WWTR1: variants seen among roughly 807,000 people sequenced by gnomAD.
WWTR1 encodes the protein WW domain-containing transcription regulator protein 1.
In WWTR1, 13 loss-of-function variants were observed where a neutral mutation model predicts 40.1. The ratio of observed to expected loss-of-function variants is 0.32; its 90% CI spans 0.21 to 0.52. The LOEUF (loss-of-function observed/expected upper bound fraction) is 0.52. WWTR1 is among the 20% of genes least tolerant of loss of function. The pLI, the probability that WWTR1 is intolerant of heterozygous loss-of-function variation, is 0.97. For synonymous variants in WWTR1, 230 were observed against 210.1 expected, an observed-to-expected ratio of 1.09 and a Z score of -0.82; for missense variants, 436 against 523.1, an observed-to-expected ratio of 0.83 and a Z score of 1.63.
intron 2 of WWTR1, among the ~76,000 whole-genome samples, chr3:149,643,706 G>C (rs1275229474): frequency 6.6e-6 from 1 of 152,012 alleles, no homozygotes; most frequent in East Asian, 1.9e-4. Context: ...ATTATCATAA[G>C]AATTAGTACC....
At chr3:149,642,657 A>C (rs1373060099) in intron 2 of WWTR1, among the ~76,000 whole-genome samples, 1 of 149,254 alleles carries the variant, frequency 6.7e-6, no homozygotes, top group African/African-American at 2.5e-5. Context: ...CGCCTGTAGT[A>C]CCAGCTATTC....
chr3:149,622,378 T>C (rs781242943), intron 2 of WWTR1, among the ~76,000 whole-genome samples: 124 of 150,014 alleles, frequency 8.3e-4, no homozygotes, highest in Admixed American at 1.8e-3. Flanking sequence ...AATAATATAA[T>C]ACAAATAACA....
rs113697574 is a variant in WWTR1, at chr3:149,627,227, C to G, written c.431+29649G>C. Reference sequence around the variant, plus strand: ...GAATACCTGTATTTTATCCAACAACCCTTCTTAGGGTAAACATATTGTTAA... The same window carrying G: ...GAATACCTGTATTTTATCCAACAACGCTTCTTAGGGTAAACATATTGTTAA... On this transcript the variant is annotated intron_variant, in intron 2 of 6. Coordinates refer to ENST00000360632, the MANE Select transcript of WWTR1 (RefSeq NM_015472.6). 7.8e-3 allele frequency among the ~76,000 whole-genome samples: 1,188 copies of G among 152,140 alleles called. 9 individuals are homozygous for G. Among genetic ancestry groups the G allele is most frequent in the Non-Finnish European group, 9.3e-3 (632 of 68,004 alleles).
chr3:149,600,674 C>T (rs1425911648), intron 2 of WWTR1, among the ~76,000 whole-genome samples: 1 of 152,162 alleles, frequency 6.6e-6, no homozygotes, highest in African/African-American at 2.4e-5. Context: ...TAAATGAAAT[C>T]CAAATAAAGT....
chr3:149,574,377 A>C (rs902645779), intron 2 of WWTR1, among the ~76,000 whole-genome samples: 2 of 152,148 alleles, frequency 1.3e-5, no homozygotes, highest in African/African-American at 2.4e-5. Context: ...CAAAGACAAC[A>C]AACATGATAG....
At chr3:149,645,292 G>A (rs918551664) in intron 2 of WWTR1, among the ~76,000 whole-genome samples, 2 of 151,026 alleles carry the variant, frequency 1.3e-5, no homozygotes, top group Non-Finnish European at 3.0e-5. Context: ...TGTTAGCCAG[G>A]ATGGTCTTGA....
At chr3:149,685,987 T>TTTAAAAAGTGTACCA (rs1714633326) in intron 1 of WWTR1, among the ~76,000 whole-genome samples, 1 of 152,222 alleles carries the variant, frequency 6.6e-6, no homozygotes, top group African/African-American at 2.4e-5. Context: ...AAGATCTTTT[T>TTTAAAAAGTGTACCA]TTGATCTCAT....
intron 2 of WWTR1, among the ~76,000 whole-genome samples, chr3:149,590,372 G>A (rs1396568627): frequency 6.6e-6 from 1 of 152,008 alleles, no homozygotes; most frequent in Admixed American, 6.6e-5. Context: ...AAAATGGGCC[G>A]GGTGCGGTGG....
At chr3:149,562,294 C>CAA (rs11446637) in intron 3 of WWTR1, among the ~76,000 whole-genome samples, 5,789 of 93,992 alleles carry the variant, frequency 0.062, 267 homozygotes, top group East Asian at 0.16. Context: ...GATTCTGTCT[C>CAA]AAAAAAAAAA....
intron 3 of WWTR1, among the ~76,000 whole-genome samples, chr3:149,551,489 T>C (rs1736616696): frequency 6.9e-6 from 1 of 145,836 alleles, no homozygotes. Context: ...TAAGTTCATA[T>C]AAACTTCATC....
intron 4 of WWTR1, among the ~76,000 whole-genome samples, chr3:149,718,782 T>C (rs1042522491): frequency 3.3e-5 from 5 of 152,208 alleles, no homozygotes; most frequent in Non-Finnish European, 7.3e-5. Flanking sequence ...TCCTCAAGGT[T>C]CATCCATGTT....
chr3:149,570,721 G>A (rs1737576701), intron 3 of WWTR1, among the ~76,000 whole-genome samples: 1 of 152,024 alleles, frequency 6.6e-6, no homozygotes, highest in South Asian at 2.1e-4. Context: ...TAGTGCAATT[G>A]GACTTTGTGT....
chr3:149,614,445 C>T (rs1739875635), intron 2 of WWTR1, among the ~76,000 whole-genome samples: 1 of 152,146 alleles, frequency 6.6e-6, no homozygotes, highest in African/African-American at 2.4e-5. Context: ...GTGTAGTAGA[C>T]TATACTTTCT....
At chr3:149,582,636 C>T (rs1260500198) in intron 2 of WWTR1, among the ~76,000 whole-genome samples, 2 of 151,674 alleles carry the variant, frequency 1.3e-5, no homozygotes, top group African/African-American at 2.4e-5. Flanking sequence ...GAGGCTGAAG[C>T]GGAAGATTAC....
chr3:149,662,543 C>G (rs1007454202), upstream of WWTR1, among the ~76,000 whole-genome samples: 1 of 152,200 alleles, frequency 6.6e-6, no homozygotes, highest in Middle Eastern at 3.2e-3. Flanking sequence ...ATTCTTTCTT[C>G]TAGTGTCCCC....
chr3:149,576,121 C>T, intron 2 of WWTR1: 1 of 456,632 alleles, frequency 2.2e-6, no homozygotes, highest in Non-Finnish European at 4.4e-6. Flanking sequence ...GAAGAAAGCC[C>T]AAATTCCTGG....
intron 2 of WWTR1, among the ~76,000 whole-genome samples, chr3:149,580,574 C>T (rs1043113321): frequency 3.3e-5 from 5 of 152,276 alleles, no homozygotes; most frequent in Admixed American, 1.3e-4. Context: ...ACTAGCAACC[C>T]GACCTGATCA....
intron 3 of WWTR1, among the ~76,000 whole-genome samples, chr3:149,565,855 G>A (rs1737296829): frequency 6.6e-6 from 1 of 151,376 alleles, no homozygotes; most frequent in Non-Finnish European, 1.5e-5. Context: ...AGGTTGTGGG[G>A]AGGTGGAGGT....
upstream of WWTR1, among the ~76,000 whole-genome samples, chr3:149,662,177 T>TAAAA (rs113524876): frequency 0.019 from 2,873 of 150,232 alleles, 98 homozygotes; most frequent in African/African-American, 0.066. Flanking sequence ...GAAACCATGT[T>TAAAA]AAAAAAAAAC....
Sources: gnomAD v4.1 joint callset for allele counts (sites outside exome capture counted in the v4.1 genomes callset) on GRCh38, gnomAD v4.1.1 for gene constraint, MANE v1.5 for transcripts, NCBI Gene and HGNC (gene_info 2026-07-23, HGNC 2026-07-21) for gene names.